FUT8: variants seen among roughly 807,000 people sequenced by gnomAD.
FUT8 encodes the protein alpha-(1,6)-fucosyltransferase.
Under a neutral mutation model 71.3 loss-of-function variants are expected in FUT8, and 29 were observed. The ratio of observed to expected loss-of-function variants is 0.41; its 90% CI spans 0.30 to 0.55. The LOEUF is 0.55. FUT8 is among the 20% of genes least tolerant of loss of function. The probability of loss-of-function intolerance (pLI) is 0.34; values close to 1 mark genes in which losing one functional copy is unlikely to be tolerated. For synonymous variants in FUT8, 254 were observed against 239.3 expected, an observed-to-expected ratio of 1.06 and a Z score of -0.57; for missense variants, 544 against 702.1, an observed-to-expected ratio of 0.77 and a Z score of 2.55.
At chr14:65,714,198 T>G (rs1054483147) in intron 7 of FUT8, among the ~76,000 whole-genome samples, 1 of 152,184 alleles carries the variant, frequency 6.6e-6, no homozygotes, top group South Asian at 2.1e-4. Context: ...GATTTGTTTC[T>G]GGGCTCTCAA....
At chr14:65,583,646 CAAA>C (rs5809282) in intron 3 of FUT8, among the ~76,000 whole-genome samples, 1 of 141,332 alleles carries the variant, frequency 7.1e-6, no homozygotes, top group Admixed American at 7.0e-5. Context: ...AAATAATAAG[CAAA>C]AAAAAAAAAG....
intron 3 of FUT8, among the ~76,000 whole-genome samples, chr14:65,605,273 T>C (rs1488683642): frequency 6.6e-6 from 1 of 152,002 alleles, no homozygotes; most frequent in Non-Finnish European, 1.5e-5. Flanking sequence ...ATTATTCTAA[T>C]ATTACGTTCC....
intron 2 of FUT8, among the ~76,000 whole-genome samples, chr14:65,533,266 A>C (rs918561008): frequency 6.6e-6 from 1 of 152,148 alleles, no homozygotes; most frequent in Non-Finnish European, 1.5e-5. Context: ...AATTTTAATG[A>C]CATTGATTTT....
At chr14:65,577,119 G>C (rs1886833167) in intron 3 of FUT8, among the ~76,000 whole-genome samples, 1 of 152,014 alleles carries the variant, frequency 6.6e-6, no homozygotes, top group African/African-American at 2.4e-5. Context: ...CAAAGTGCTG[G>C]GATTACAGAT....
In FUT8 at chr14:65,495,698, C is replaced by G. The variant is rs556498964; in HGVS notation, c.-228+39980C>G. On this transcript the variant is annotated intron_variant, in intron 2 of 10. Transcript: ENST00000673929. ...CTATATAATTTAGCAGAATAAAACA[C>G]ACTTATCATTTTTCCATTTTCTGAA... Among the ~76,000 whole-genome samples the G allele has an allele frequency of 1.4e-4, 22 of 152,250 alleles. No individual in the cohort carries two copies. In the South Asian group the frequency reaches 2.9e-3, roughly 20 times the overall value.
At chr14:65,370,006 A>T in the FUT8 span, among the ~76,000 whole-genome samples, 2 of 152,210 alleles carry the variant, frequency 1.3e-5, no homozygotes, top group South Asian at 4.2e-4. Context: ...GGTAACAAAG[A>T]TGAGATGCTC....
chr14:65,468,363 G>A (rs2066079756), intron 2 of FUT8: 2 of 534,974 alleles, frequency 3.7e-6, no homozygotes, highest in Non-Finnish European at 7.0e-6. Context: ...ATTACTGGAA[G>A]ATGGTGGTTC....
In FUT8 at chr14:65,724,403, AT is replaced by A. The variant is rs1165576627; in HGVS notation, c.1259+85del. 2.7e-5 allele frequency: 22 copies of A among 809,972 alleles called. No homozygotes were observed. The South Asian group carries it at 2.8e-4, about 10-fold the overall frequency. 50.2% of individuals were successfully genotyped at this position (809,972 alleles called of 1,614,324 possible). Reference sequence around the variant, plus strand: ...GAATTCTTACTTCCCATGACTTGTGATTTTTGTATATTATTATTGCTAATTA... The same window carrying A: ...GAATTCTTACTTCCCATGACTTGTGATTTTGTATATTATTATTGCTAATTA... On this transcript the variant is annotated intron_variant, in intron 9 of 10. Coordinates refer to ENST00000673929, the MANE Select transcript of FUT8 (RefSeq NM_001371533.1).
intron 2 of FUT8, among the ~76,000 whole-genome samples, chr14:65,521,245 C>G (rs1883058086): frequency 6.6e-6 from 1 of 151,914 alleles, no homozygotes; most frequent in Non-Finnish European, 1.5e-5. Context: ...AAAACTGAAA[C>G]AAAATGCTTG....
At chr14:65,598,670 G>A (rs1888132598) in intron 3 of FUT8, among the ~76,000 whole-genome samples, 1 of 152,118 alleles carries the variant, frequency 6.6e-6, no homozygotes, top group South Asian at 2.1e-4. Context: ...ACTGAATTAT[G>A]GAGGAAAATA....
At chr14:65,459,360 G>C (rs2065940096) in intron 2 of FUT8, among the ~76,000 whole-genome samples, 1 of 152,030 alleles carries the variant, frequency 6.6e-6, no homozygotes, top group Non-Finnish European at 1.5e-5. Flanking sequence ...AAAATATTTT[G>C]AGGTTGTTAC....
intron 7 of FUT8, among the ~76,000 whole-genome samples, chr14:65,677,162 A>ACGTGTGTGTGTGTGTGTGTGTGTGTGTG (rs1555383298): frequency 7.0e-4 from 19 of 27,248 alleles, no homozygotes; most frequent in Admixed American, 5.4e-3. Flanking sequence ...GCGCGCGCGC[A>ACGTGTGTGTGTGTGTGTGTGTGTGTGTG]TGCGCGCGCA....
intron 7 of FUT8, among the ~76,000 whole-genome samples, chr14:65,693,977 G>T (rs766145423): frequency 1.9e-4 from 29 of 152,244 alleles, no homozygotes; most frequent in Non-Finnish European, 3.1e-4. Context: ...TGTGGGTACA[G>T]TGTTATCCAT....
intron 7 of FUT8, among the ~76,000 whole-genome samples, chr14:65,713,936 T>C (rs944111868): frequency 6.6e-6 from 1 of 152,210 alleles, no homozygotes; most frequent in African/African-American, 2.4e-5. Flanking sequence ...ACTCAAGAAA[T>C]CTTTACCCAC....
intron 3 of FUT8, among the ~76,000 whole-genome samples, chr14:65,578,448 T>C (rs943967970): frequency 3.3e-5 from 5 of 152,216 alleles, no homozygotes; most frequent in Admixed American, 1.3e-4. Context: ...TTGACGTCTT[T>C]TAATTCATTT....
At chr14:65,605,192 A>G (rs570228928) in intron 3 of FUT8, among the ~76,000 whole-genome samples, 4 of 152,092 alleles carry the variant, frequency 2.6e-5, no homozygotes, top group Admixed American at 2.0e-4. Flanking sequence ...TAATCTTAGA[A>G]GGATACATTC....
At chr14:65,586,021 G>T (rs535005677) in intron 3 of FUT8, among the ~76,000 whole-genome samples, 70 of 152,248 alleles carry the variant, frequency 4.6e-4, no homozygotes, top group Non-Finnish European at 5.9e-4. Flanking sequence ...AACCAGTAAA[G>T]ATCTAGCATT....
At chr14:65,510,262 G>A (rs1369402144) in intron 2 of FUT8, among the ~76,000 whole-genome samples, 1 of 152,034 alleles carries the variant, frequency 6.6e-6, no homozygotes, top group African/African-American at 2.4e-5. Context: ...CCATTCTGGT[G>A]TCCCAGGGAT....
chr14:65,472,654 A>T lies in FUT8; in HGVS notation c.-228+16936A>T, dbSNP rs2066165947. ...TGCACTTCTGATAAGTATACTGATGATGCTGAGGATGGTTATTAAAGCCCT... is the reference window on the plus strand; with the variant it reads ...TGCACTTCTGATAAGTATACTGATGTTGCTGAGGATGGTTATTAAAGCCCT... On this transcript the variant is annotated intron_variant, in intron 2 of 10. Coordinates refer to ENST00000673929, the MANE Select transcript of FUT8 (RefSeq NM_001371533.1). The surrounding 1 kb of genome is among the most constrained non-coding windows in gnomAD (Gnocchi z 4.4). Among the ~76,000 whole-genome samples, 1 of 152,006 alleles carries T rather than the reference A, an allele frequency of 6.6e-6. No homozygotes were observed. The highest frequency in any genetic ancestry group is 6.6e-5 in the Admixed American group (1 of 15,264).
Sources: allele counts gnomAD v4.1 joint callset (sites outside exome capture counted in the v4.1 genomes callset), GRCh38; gene constraint gnomAD v4.1.1; non-coding constraint Gnocchi (gnomAD v3.1); transcripts MANE v1.5; gene names NCBI Gene and HGNC (gene_info 2026-07-23, HGNC 2026-07-21).